Variants in SIN3B observed in about 807,000 individuals in gnomAD.
The protein encoded by SIN3B is SIN3 transcription regulator family member B.
SIN3B carries 19 observed loss-of-function variants against 120.2 expected under a neutral mutation model. That is an observed-to-expected ratio of 0.16 (90% CI 0.11 to 0.23). SIN3B has a LOEUF of 0.23. Among genes scored for constraint, SIN3B ranks in the 10% least tolerant of loss-of-function variants. The pLI, the probability that SIN3B is intolerant of heterozygous loss-of-function variation, is 1.00. For synonymous variants in SIN3B, 654 were observed against 653.2 expected (o/e 1.00, Z -0.02); for missense variants, 1,073 against 1,573.0 (o/e 0.68, Z 5.38).
chr19:16,834,213 A>G (rs1293614447), intron 3 of SIN3B, among the ~76,000 whole-genome samples: 1 of 152,234 alleles, frequency 6.6e-6, no homozygotes, highest in Non-Finnish European at 1.5e-5. Flanking sequence ...CATTTGCAAT[A>G]GCAGCGTCCA....
chr19:16,841,426 T>C (rs149254931), intron 3 of SIN3B, among the ~76,000 whole-genome samples: 1 of 152,170 alleles, frequency 6.6e-6, no homozygotes, highest in Admixed American at 6.5e-5. Context: ...GGGAGACTTC[T>C]CTATTATATG....
intron 7 of SIN3B, among the ~76,000 whole-genome samples, chr19:16,853,509 A>G (rs1457977144): frequency 1.3e-5 from 2 of 152,252 alleles, no homozygotes; most frequent in African/African-American, 2.4e-5. Flanking sequence ...GGCCGTGTGC[A>G]TGGGCTGTGA....
At chr19:16,877,964 C>T (rs1483908298) in intron 17 of SIN3B, among the ~76,000 whole-genome samples, 1 of 152,152 alleles carries the variant, frequency 6.6e-6, no homozygotes, top group East Asian at 1.9e-4. Context: ...GACCCTGGAC[C>T]ACCTCAGGTC....
At position 16,878,330 on chromosome 19, in the gene SIN3B, G is replaced by T. The variant is rs535205070; in HGVS notation, c.3102G>T (p.Val1034=). 4.3e-6 allele frequency: 7 copies of T among 1,612,502 alleles called. No individual in the cohort carries two copies. Among genetic ancestry groups the T allele is most frequent in the Non-Finnish European group, 5.9e-6 (7 of 1,179,674 alleles). Residue 1034 remains valine (V), a synonymous_variant, in exon 18 of 19, where the codon GTG becomes GTT. Coordinates refer to ENST00000248054, the MANE Select transcript of SIN3B (RefSeq NM_001297595.2). ...CRFKLSTHKM[V]FIVNSEDYMY... ...TCAAGCTCAGCACTCACAAGATGGT[G>T]TTCATCGTGAACTCCGAGGACTACA...
chr19:16,831,287 T>G (rs997349439), intron 2 of SIN3B, among the ~76,000 whole-genome samples: 1 of 152,148 alleles, frequency 6.6e-6, no homozygotes, highest in Non-Finnish European at 1.5e-5. Flanking sequence ...GGTCTCGAAC[T>G]CTTGACCTCA....
rs184018216 is a variant in SIN3B at position 16,873,496 on chromosome 19, C to A, written c.2592+2098C>A. Among the ~76,000 whole-genome samples the A allele has an allele frequency of 5.9e-4, 89 of 150,756 alleles. No individual in the cohort carries two copies. The East Asian group carries it at 7.5e-3, about 13-fold the overall frequency. On this transcript the variant is annotated intron_variant, in intron 14 of 18. Coordinates refer to ENST00000248054, the MANE Select transcript of SIN3B (RefSeq NM_001297595.2). The stretch of plus-strand genomic sequence containing the variant: ...GGTGTTGGGGAAGTGACGCAGGGGA[C>A]GCCAGGGGGCTGGCAGTCTGTCCCC...
chr19:16,852,503 T>C (rs1971558693), intron 6 of SIN3B, among the ~76,000 whole-genome samples: 1 of 152,192 alleles, frequency 6.6e-6, no homozygotes, highest in Non-Finnish European at 1.5e-5. Context: ...CGCCTCAGCC[T>C]CCCAAAGTGT....
Position 16,876,257 on chromosome 19 carries a change from G to A in SIN3B, c.2766+29G>A, listed in dbSNP as rs147315584. 4.7e-4 allele frequency: 742 copies of A among 1,592,654 alleles called. 5 individuals are homozygous for A. In the East Asian group the frequency reaches 0.013, roughly 28 times the overall value. ...AGAGGAGGCCTGGGGCTGGGAACAC[G>A]CCGGGAGGCCCGGCCGCTCACTCCG... is the stretch of plus-strand genomic sequence containing the variant. On this transcript the variant is annotated intron_variant, in intron 15 of 18. Coordinates refer to ENST00000248054, the MANE Select transcript of SIN3B (RefSeq NM_001297595.2). The surrounding 1 kb of genome is among the most constrained non-coding windows in gnomAD (Gnocchi z 7.1).
In SIN3B at chr19:16,877,555, G is replaced by A. The variant is rs1333298965; in HGVS notation, c.2870G>A (p.Arg957Gln). The A allele has an allele frequency of 2.4e-5, 38 of 1,608,822 alleles. No individual in the cohort carries two copies. Among genetic ancestry groups the A allele is most frequent in the Admixed American group, 5.1e-5 (3 of 59,310 alleles). The change falls in exon 17 of 19, where the codon CGG becomes CAG. Residue 957 changes from arginine to glutamine, a missense_variant. By Grantham distance (43) the Arg-to-Gln change is conservative. Transcript: ENST00000248054. ...TCTCCCTGTCCCCAGCACCTGGCTC[G>A]GTACGTGGAGCAGTATGTGGGGACC... ...EDPVEVQHLA[R>Q]YVEQYVGTEG...
intron 12 of SIN3B, 99 bp from the exon 13 acceptor site, chr19:16,869,361 C>T (rs2051474004): frequency 6.2e-6 from 9 of 1,442,000 alleles, no homozygotes; most frequent in Non-Finnish European, 7.4e-6. Flanking sequence ...AGCGCTCATC[C>T]ACCTTGGTGG....
chr19:16,849,801 C>T (rs1971522245), intron 5 of SIN3B, among the ~76,000 whole-genome samples: 1 of 152,032 alleles, frequency 6.6e-6, no homozygotes, highest in African/African-American at 2.4e-5. Flanking sequence ...CCAGCATATA[C>T]AAAAAATAGC....
At position 16,879,578 on chromosome 19, in the gene SIN3B, T is replaced by C. The variant is rs2051666516; in HGVS notation, c.*851T>C. Reference sequence around the variant, plus strand: ...TTTCGCTTTTAGTGGTTGTTATTTCTGTAGCAGCCAAGTCCTGCGGCTCCC... The same window carrying C: ...TTTCGCTTTTAGTGGTTGTTATTTCCGTAGCAGCCAAGTCCTGCGGCTCCC... On this transcript the variant is annotated 3_prime_UTR_variant, in exon 19 of 19. Transcript: ENST00000248054. 2.6e-5 allele frequency: 4 copies of C among 152,296 alleles called. No individual in the cohort carries two copies. Among genetic ancestry groups the C allele is most frequent in the Admixed American group, 2.6e-4 (4 of 15,292 alleles). 9.4% of individuals were successfully genotyped at this position (152,296 alleles called of 1,614,324 possible). A position where few individuals can be genotyped will look rare whatever the true frequency, so the allele number is the denominator to read the frequency against.
chr19:16,831,609 A>C lies in SIN3B; in HGVS notation c.343A>C (p.Asn115His), dbSNP rs1971279442. 6.2e-7 allele frequency: 1 copy of C among 1,614,102 alleles called. No homozygotes were observed. The highest frequency in any genetic ancestry group is 8.5e-7 in the Non-Finnish European group (1 of 1,179,988). The change falls in exon 3 of 19, where the codon AAT becomes CAT. Residue 115 changes from asparagine to histidine, a missense_variant. Around this residue, in one of 7 missense-constraint regions of SIN3B, gnomAD observed 395 missense variants for 528.0 expected, o/e 0.75. Transcript: ENST00000248054. Reference sequence around the variant, plus strand: ...CGGATATAGAATAGACATTCCCAAGAATGGCAAGTTAAACATACAGTCGCC... The same window carrying C: ...CGGATATAGAATAGACATTCCCAAGCATGGCAAGTTAAACATACAGTCGCC... ...PLGYRIDIPK[N>H]GKLNIQSPLT...
At chr19:16,857,099 G>A (rs983285783) in intron 8 of SIN3B, among the ~76,000 whole-genome samples, 1 of 152,168 alleles carries the variant, frequency 6.6e-6, no homozygotes, top group African/African-American at 2.4e-5. Context: ...ATCATTTTAT[G>A]TATAGCATCC....
At chr19:16,866,248 G>A in intron 11 of SIN3B, 125 bp from the exon 12 acceptor site, 2 of 873,266 alleles carry the variant, frequency 2.3e-6, no homozygotes, top group Non-Finnish European at 3.5e-6. Flanking sequence ...AGACTAGGCT[G>A]GGAGCTGGCT....
At position 16,870,964 on chromosome 19, in the gene SIN3B, TACAGGCATGGGCC is replaced by T. The variant is rs201291367; in HGVS notation, c.2423-262_2423-250del. On this transcript the variant is annotated intron_variant, in intron 13 of 18. Coordinates refer to ENST00000248054, the MANE Select transcript of SIN3B (RefSeq NM_001297595.2). ...CCTCAGCCTCCCCAAGTGCTGGGAT[TACAGGCATGGGCC>T]ACCATGCCTGGCCTCCACAGCATTC... Among the ~76,000 whole-genome samples the T allele has an allele frequency of 2.8e-3, 433 of 152,344 alleles. 14 individuals are homozygous for T. In the East Asian group the frequency reaches 0.064, roughly 23 times the overall value.
At chr19:16,863,467 C>T in intron 9 of SIN3B, 3 of 572,096 alleles carry the variant, frequency 5.2e-6, no homozygotes, top group Non-Finnish European at 3.1e-6. Context: ...AGGGGTGGTT[C>T]TGGAACCAAT....
At chr19:16,865,670 TC>T in intron 11 of SIN3B, 22 bp downstream of exon 11, 1 of 1,503,742 alleles carries the variant, frequency 6.7e-7, no homozygotes. Flanking sequence ...CGTCCCGACT[TC>T]CCTTCCCCTT....
chr19:16,843,721 A>G (rs189156478), intron 4 of SIN3B, among the ~76,000 whole-genome samples: 105 of 152,378 alleles, frequency 6.9e-4, no homozygotes, highest in African/African-American at 2.4e-3. Context: ...AGAGAGTGCC[A>G]TGGGAAGGGA....
Sources: allele counts gnomAD v4.1 joint callset (sites outside exome capture counted in the v4.1 genomes callset), GRCh38; gene constraint gnomAD v4.1.1; regional missense constraint gnomAD v4.1.1; non-coding constraint Gnocchi (gnomAD v3.1); transcripts MANE v1.5; gene names NCBI Gene and HGNC (gene_info 2026-07-23, HGNC 2026-07-21).